MYRIP: variants seen among roughly 807,000 people sequenced by gnomAD.
MYRIP encodes the protein myosin VIIA and Rab interacting protein, also known as rab effector MyRIP.
In MYRIP, 49 loss-of-function variants were observed where a neutral mutation model predicts 98.0. The observed-to-expected ratio is 0.50, with a 90% CI of 0.40 to 0.63. The LOEUF is 0.63. MYRIP is among the 30% of genes least tolerant of loss of function. The probability of loss-of-function intolerance (pLI) is 0.00; values close to 1 mark genes in which losing one functional copy is unlikely to be tolerated. For synonymous variants in MYRIP, 404 were observed against 409.5 expected (o/e 0.99, Z 0.16); for missense variants, 1,004 against 1,058.2 (o/e 0.95, Z 0.71).
intron 3 of MYRIP, among the ~76,000 whole-genome samples, chr3:40,079,720 C>T (rs1948433142): frequency 6.6e-6 from 1 of 152,202 alleles, no homozygotes; most frequent in African/African-American, 2.4e-5. Flanking sequence ...CTAAACTGTG[C>T]TATAAACTCA....
At chr3:39,981,043 T>A (rs1945881629) in intron 2 of MYRIP, among the ~76,000 whole-genome samples, 1 of 152,184 alleles carries the variant, frequency 6.6e-6, no homozygotes. Flanking sequence ...AGGTGGTAAA[T>A]TTTATGTTGT....
chr3:39,849,776 A>G (rs1942071520), intron 1 of MYRIP, among the ~76,000 whole-genome samples: 1 of 152,192 alleles, frequency 6.6e-6, no homozygotes, highest in Non-Finnish European at 1.5e-5. Context: ...TCCCATAAAT[A>G]AAACTGAGCT....
intron 4 of MYRIP, among the ~76,000 whole-genome samples, chr3:40,158,111 C>T (rs576840158): frequency 1.3e-5 from 2 of 152,088 alleles, no homozygotes; most frequent in Non-Finnish European, 2.9e-5. Context: ...TGGATCTTTC[C>T]TGCTTTCTCT....
Position 40,034,751 on chromosome 3 carries a change from C to T in MYRIP, c.111-9299C>T, listed in dbSNP as rs574494935. ...TATACCCAGAGGATTATAAATCATGCTGCTATAAAGACACATGCACACGTA... is the reference window on the plus strand; with the variant it reads ...TATACCCAGAGGATTATAAATCATGTTGCTATAAAGACACATGCACACGTA... On this transcript the variant is annotated intron_variant, in intron 2 of 16. Coordinates refer to ENST00000302541, the MANE Select transcript of MYRIP (RefSeq NM_015460.4). Among the ~76,000 whole-genome samples, 42 of 151,894 alleles carry T rather than the reference C, an allele frequency of 2.8e-4. No homozygotes were observed. In the East Asian group the frequency reaches 6.5e-3, roughly 23 times the overall value.
chr3:40,192,794 A>G (rs1200697235), intron 10 of MYRIP, among the ~76,000 whole-genome samples: 3 of 152,188 alleles, frequency 2.0e-5, no homozygotes, highest in Admixed American at 6.5e-5. Flanking sequence ...CGCCTCCCCA[A>G]ACAATGGTGA....
intron 1 of MYRIP, among the ~76,000 whole-genome samples, chr3:39,814,453 T>C (rs1334338719): frequency 6.6e-6 from 1 of 152,162 alleles, no homozygotes; most frequent in Non-Finnish European, 1.5e-5. Context: ...CATAGTTGGG[T>C]CTTTGAACTC....
chr3:39,887,079 C>T (rs1943326691), intron 1 of MYRIP, among the ~76,000 whole-genome samples: 1 of 151,950 alleles, frequency 6.6e-6, no homozygotes, highest in Admixed American at 6.6e-5. Flanking sequence ...CAACCTGCTC[C>T]TGAATGACTA....
chr3:39,911,942 A>G (rs115067849), intron 2 of MYRIP, among the ~76,000 whole-genome samples: 2,480 of 152,306 alleles, frequency 0.016, 29 homozygotes, highest in Non-Finnish European at 0.025. Context: ...AAGGAAATTC[A>G]TCAACAACCT....
intron 2 of MYRIP, among the ~76,000 whole-genome samples, chr3:40,027,853 G>A (rs1947170544): frequency 1.3e-5 from 2 of 152,114 alleles, no homozygotes; most frequent in Non-Finnish European, 2.9e-5. Flanking sequence ...AGGACACCTG[G>A]ATGGGGGTTT....
At chr3:39,885,161 A>G (rs1391220743) in intron 1 of MYRIP, among the ~76,000 whole-genome samples, 1 of 151,874 alleles carries the variant, frequency 6.6e-6, no homozygotes, top group African/African-American at 2.4e-5. Flanking sequence ...TGAGCCATTT[A>G]TAGTTCTTTT....
intron 2 of MYRIP, among the ~76,000 whole-genome samples, chr3:39,991,199 A>G (rs1946166649): frequency 1.3e-5 from 2 of 152,244 alleles, no homozygotes; most frequent in African/African-American, 4.8e-5. Flanking sequence ...AATTGGTCTA[A>G]GTGTCTGCCT....
intron 1 of MYRIP, among the ~76,000 whole-genome samples, chr3:39,844,858 C>G (rs963428755): frequency 1.3e-5 from 2 of 152,112 alleles, no homozygotes; most frequent in Admixed American, 1.3e-4. Flanking sequence ...TCATTGGATC[C>G]GTTGGGTTAT....
intron 1 of MYRIP, among the ~76,000 whole-genome samples, chr3:39,827,531 T>C (rs1941306545): frequency 6.6e-6 from 1 of 152,216 alleles, no homozygotes; most frequent in Non-Finnish European, 1.5e-5. Flanking sequence ...GTATTGGTTG[T>C]TTTCTTGATT....
intron 2 of MYRIP, among the ~76,000 whole-genome samples, chr3:40,036,191 A>G (rs1947378594): frequency 6.6e-6 from 1 of 151,686 alleles, no homozygotes; most frequent in Non-Finnish European, 1.5e-5. Context: ...AGTGAAACTG[A>G]AGAACACTAC....
At chr3:40,180,884 T>C (rs1950868125) in intron 8 of MYRIP, among the ~76,000 whole-genome samples, 1 of 152,154 alleles carries the variant, frequency 6.6e-6, no homozygotes, top group Non-Finnish European at 1.5e-5. Context: ...ACGCCCTGTA[T>C]GTGAGGGGTC....
chr3:40,071,072 A>G (rs1948215313), intron 3 of MYRIP: 2 of 928,146 alleles, frequency 2.2e-6, no homozygotes, highest in Non-Finnish European at 2.6e-6. Context: ...GCCTTTTGAC[A>G]TAAGAATCTG....
chr3:39,960,991 T>C (rs771818633), intron 2 of MYRIP, among the ~76,000 whole-genome samples: 23 of 152,288 alleles, frequency 1.5e-4, no homozygotes, highest in African/African-American at 5.3e-4. Context: ...CCGAATGGAA[T>C]GGCACTTCGC....
chr3:39,934,598 T>C (rs1944616431), intron 2 of MYRIP, among the ~76,000 whole-genome samples: 1 of 152,156 alleles, frequency 6.6e-6, no homozygotes, highest in Non-Finnish European at 1.5e-5. Context: ...TTTTGCATGC[T>C]TTAATATGCT....
intron 1 of MYRIP, among the ~76,000 whole-genome samples, chr3:39,861,134 T>C (rs2125618322): frequency 6.6e-6 from 1 of 152,344 alleles, no homozygotes; most frequent in East Asian, 1.9e-4. Flanking sequence ...GCGTCTTCAG[T>C]GCAGCAGGTT....
Sources: gnomAD v4.1 joint callset for allele counts (sites outside exome capture counted in the v4.1 genomes callset) on GRCh38, gnomAD v4.1.1 for gene constraint, MANE v1.5 for transcripts, NCBI Gene and HGNC (gene_info 2026-07-23, HGNC 2026-07-21) for gene names.